SPIDR: variants seen among roughly 807,000 people sequenced by gnomAD.
SPIDR encodes DNA repair-scaffolding protein.
Under a neutral mutation model 104.6 loss-of-function variants are expected in SPIDR, and 93 were observed. The observed-to-expected ratio is 0.89, with a 90% CI of 0.75 to 1.06. SPIDR has a LOEUF of 1.06. Among genes scored for constraint, SPIDR ranks in the 50% least tolerant of loss-of-function variants. The pLI is 0.00. For missense variants in SPIDR, 1,154 were observed against 1,111.2 expected (o/e 1.04, Z -0.55); for synonymous variants, 431 against 416.9 (o/e 1.03, Z -0.41).
intron 16 of SPIDR, among the ~76,000 whole-genome samples, chr8:47,717,488 T>G (rs2082739603): frequency 6.6e-6 from 1 of 152,194 alleles, no homozygotes; most frequent in Non-Finnish European, 1.5e-5. Context: ...AAGGAGGGTT[T>G]CCCTAACCCA....
intron 6 of SPIDR, 69 bp from the exon 7 acceptor site, chr8:47,407,792 T>C: frequency 1.1e-6 from 1 of 933,878 alleles, no homozygotes; most frequent in South Asian, 1.6e-5. Context: ...GGGTATACAA[T>C]ATAAATGTTC....
At chr8:47,481,878 C>T (rs2076940025) in intron 8 of SPIDR, among the ~76,000 whole-genome samples, 1 of 152,200 alleles carries the variant, frequency 6.6e-6, no homozygotes, top group African/African-American at 2.4e-5. Flanking sequence ...AAATATTCAG[C>T]TGCATTTTAG....
intron 1 of SPIDR, among the ~76,000 whole-genome samples, chr8:47,263,216 C>T (rs529488809): frequency 5.3e-5 from 8 of 152,198 alleles, no homozygotes; most frequent in Non-Finnish European, 7.3e-5. Context: ...AGGCTCTCAG[C>T]CTGTTATTCA....
At chr8:47,688,015 AAGTGTGT>A (rs2078048189) in intron 11 of SPIDR, among the ~76,000 whole-genome samples, 2 of 62,502 alleles carry the variant, frequency 3.2e-5, no homozygotes, top group African/African-American at 9.4e-5. Flanking sequence ...CAAAAAAAAA[AAGTGTGT>A]GTGTGTGTGT....
chr8:47,316,564 A>G (rs1742640556), intron 5 of SPIDR, among the ~76,000 whole-genome samples: 1 of 152,204 alleles, frequency 6.6e-6, no homozygotes, highest in Non-Finnish European at 1.5e-5. Context: ...AACATAATGA[A>G]TTTCAAATAC....
intron 5 of SPIDR, among the ~76,000 whole-genome samples, chr8:47,337,444 T>G (rs1233035531): frequency 1.3e-5 from 2 of 152,188 alleles, no homozygotes; most frequent in African/African-American, 4.8e-5. Context: ...ATTTGTGTTT[T>G]TATTATTGAC....
intron 7 of SPIDR, among the ~76,000 whole-genome samples, chr8:47,424,562 C>T (rs1283179661): frequency 1.3e-5 from 2 of 152,304 alleles, no homozygotes; most frequent in East Asian, 3.9e-4. Flanking sequence ...AAGGGAACCT[C>T]CCTTCTCAGT....
chr8:47,442,635 C>A (rs1554698082), intron 8 of SPIDR, among the ~76,000 whole-genome samples: 1 of 152,142 alleles, frequency 6.6e-6, no homozygotes, highest in African/African-American at 2.4e-5. Flanking sequence ...CTTTGTTCAC[C>A]CCTTAGTTTT....
chr8:47,730,737 A>T (rs1439511917), intron 19 of SPIDR, among the ~76,000 whole-genome samples: 1 of 151,998 alleles, frequency 6.6e-6, no homozygotes, highest in African/African-American at 2.4e-5. Context: ...TGGTGACTTG[A>T]CCTGTCCTAT....
rs117203234 is a variant in SPIDR, at chr8:47,497,425, T to A, written c.1097+56883T>A. Among the ~76,000 whole-genome samples, 251 of 152,306 alleles carry A rather than the reference T, an allele frequency of 1.6e-3. 1 individual carries two copies. Among genetic ancestry groups the A allele is most frequent in the Non-Finnish European group, 3.0e-3 (203 of 68,022 alleles). On this transcript the variant is annotated intron_variant, in intron 8 of 19. Coordinates refer to ENST00000297423, the MANE Select transcript of SPIDR (RefSeq NM_001080394.4). ...ATTTTCCTTTTCATTAATCTCAAAG[T>A]ATTTTCTAATGTCCCTGTGATTGCT...
At chr8:47,694,926 A>T (rs971875579) in intron 11 of SPIDR, among the ~76,000 whole-genome samples, 5 of 152,220 alleles carry the variant, frequency 3.3e-5, no homozygotes, top group African/African-American at 9.6e-5. Context: ...CTATTAGATG[A>T]CAACCTAAAT....
chr8:47,571,506 C>T (rs2058520405), intron 8 of SPIDR, among the ~76,000 whole-genome samples: 1 of 152,064 alleles, frequency 6.6e-6, no homozygotes, highest in Non-Finnish European at 1.5e-5. Context: ...CTACTTCCCT[C>T]CCAGAATTGT....
chr8:47,591,693 A>G (rs1040712555), intron 8 of SPIDR, among the ~76,000 whole-genome samples: 1 of 152,154 alleles, frequency 6.6e-6, no homozygotes, highest in African/African-American at 2.4e-5. Flanking sequence ...AGCATATTCT[A>G]AAGACCTGGT....
chr8:47,291,478 G>A (rs1421052236), intron 4 of SPIDR, among the ~76,000 whole-genome samples: 1 of 152,112 alleles, frequency 6.6e-6, no homozygotes, highest in African/African-American at 2.4e-5. Flanking sequence ...TTACCATATA[G>A]CCCAGCAACT....
chr8:47,455,244 G>T (rs1158595597), intron 8 of SPIDR, among the ~76,000 whole-genome samples: 1 of 152,076 alleles, frequency 6.6e-6, no homozygotes, highest in East Asian at 1.9e-4. Context: ...AAGGGAGGGG[G>T]TAGAGATGTA....
At chr8:47,622,249 A>T (rs936376781) in intron 10 of SPIDR, among the ~76,000 whole-genome samples, 2 of 152,194 alleles carry the variant, frequency 1.3e-5, no homozygotes, top group African/African-American at 4.8e-5. Flanking sequence ...GAAAACAAAA[A>T]GGTCTAAAGA....
intron 7 of SPIDR, among the ~76,000 whole-genome samples, chr8:47,433,024 C>T (rs1257961336): frequency 3.3e-5 from 5 of 152,096 alleles, no homozygotes; most frequent in Admixed American, 6.5e-5. Context: ...CTCATACTAC[C>T]TGCACCTCCC....
intron 5 of SPIDR, among the ~76,000 whole-genome samples, chr8:47,312,640 G>C: frequency 6.6e-6 from 1 of 152,114 alleles, no homozygotes; most frequent in Non-Finnish European, 1.5e-5. Flanking sequence ...AGATGAGGTA[G>C]GTTGCGAAAA....
intron 9 of SPIDR, among the ~76,000 whole-genome samples, chr8:47,596,288 G>C (rs1468008616): frequency 6.6e-6 from 1 of 152,124 alleles, no homozygotes; most frequent in African/African-American, 2.4e-5. Flanking sequence ...ACAGGGATAT[G>C]GTCTGAGAAA....
Sources: allele counts gnomAD v4.1 joint callset (sites outside exome capture counted in the v4.1 genomes callset), GRCh38; gene constraint gnomAD v4.1.1; transcripts MANE v1.5; gene names NCBI Gene and HGNC (gene_info 2026-07-23, HGNC 2026-07-21).